Variants in ARPC3 observed in about 807,000 individuals in gnomAD.
ARPC3 encodes the protein actin related protein 2/3 complex subunit 3, also known as actin-related protein 2/3 complex subunit 3.
In ARPC3, 12 loss-of-function variants were observed where a neutral mutation model predicts 27.6. The ratio of observed to expected loss-of-function variants is 0.43; its 90% CI spans 0.28 to 0.70. The LOEUF (loss-of-function observed/expected upper bound fraction) is 0.70. ARPC3 is among the 30% of genes least tolerant of loss of function. The pLI is 0.17. For synonymous variants in ARPC3, 53 were observed against 67.2 expected (o/e 0.79, Z 1.03); for missense variants, 153 against 207.7 (o/e 0.74, Z 1.62).
intron 2 of ARPC3, chr12:110,445,194 AAC>A (rs1377274209): frequency 1.3e-5 from 6 of 452,432 alleles, no homozygotes; most frequent in South Asian, 8.9e-5. Context: ...AGAACTGATA[AAC>A]AGTGTCCAGA....
intron 5 of ARPC3, 111 bp downstream of exon 5, chr12:110,436,446 A>G: frequency 2.6e-6 from 4 of 1,523,324 alleles, no homozygotes; most frequent in Non-Finnish European, 3.6e-6. Context: ...ACTTCCTATG[A>G]TTTCACTCTC....
At chr12:110,443,518 C>T (rs1461657338) in intron 2 of ARPC3, among the ~76,000 whole-genome samples, 3 of 152,050 alleles carry the variant, frequency 2.0e-5, no homozygotes, top group African/African-American at 2.4e-5. Context: ...GTGCAACCTC[C>T]GCCTCCTGAG....
intron 3 of ARPC3, among the ~76,000 whole-genome samples, 170 bp downstream of exon 3, chr12:110,440,141 GA>G (rs200003153): frequency 6.7e-6 from 1 of 150,322 alleles, no homozygotes; most frequent in African/African-American, 2.4e-5. Context: ...GAATTTGGAG[GA>G]AAAAAAAAGA....
At chr12:110,447,448 G>T (rs1000210057) in intron 1 of ARPC3, among the ~76,000 whole-genome samples, 24 of 152,216 alleles carry the variant, frequency 1.6e-4, no homozygotes, top group Admixed American at 1.6e-3. Flanking sequence ...TACGATTCTG[G>T]TCCTTGAAGA....
intron 3 of ARPC3, among the ~76,000 whole-genome samples, 154 bp downstream of exon 3, chr12:110,440,158 A>G (rs1290066144): frequency 6.6e-6 from 1 of 152,230 alleles, no homozygotes; most frequent in Non-Finnish European, 1.5e-5. Flanking sequence ...AAAGAAACTA[A>G]TATTTATACA....
At chr12:110,439,251 T>C (rs2062422496) in intron 3 of ARPC3, among the ~76,000 whole-genome samples, 2 of 152,042 alleles carry the variant, frequency 1.3e-5, no homozygotes, top group African/African-American at 2.4e-5. Context: ...CTCCCAAGTG[T>C]TGGGATTACA....
chr12:110,436,300 T>C (rs535586985), intron 5 of ARPC3, 96 bp from the exon 6 acceptor site: 52 of 1,147,278 alleles, frequency 4.5e-5, no homozygotes, highest in South Asian at 6.4e-5. Context: ...TACATTTTTA[T>C]ACATTTGAAC....
intron 3 of ARPC3, among the ~76,000 whole-genome samples, chr12:110,438,954 A>C (rs2062420535): frequency 6.6e-6 from 1 of 151,352 alleles, no homozygotes; most frequent in Non-Finnish European, 1.5e-5. Context: ...TTTTTAAGAC[A>C]ATATAGTATC....
intron 2 of ARPC3, 62 bp downstream of exon 2, chr12:110,445,390 T>A: frequency 4.7e-6 from 6 of 1,283,888 alleles, no homozygotes; most frequent in African/African-American, 1.5e-5. Flanking sequence ...TCTGATTTGA[T>A]CATTTCAGAA....
At chr12:110,444,571 C>T (rs1026823549) in intron 2 of ARPC3, among the ~76,000 whole-genome samples, 9 of 152,164 alleles carry the variant, frequency 5.9e-5, no homozygotes, top group Non-Finnish European at 1.0e-4. Context: ...AAGTGTGAGC[C>T]ACCGCACCCA....
chr12:110,449,490 T>C (rs1241548758), intron 1 of ARPC3, among the ~76,000 whole-genome samples: 1 of 151,874 alleles, frequency 6.6e-6, no homozygotes. Flanking sequence ...TGAACCAGGG[T>C]GGTGGAAGTT....
chr12:110,448,344 A>G (rs1171449102), intron 1 of ARPC3, among the ~76,000 whole-genome samples: 2 of 152,140 alleles, frequency 1.3e-5, no homozygotes, highest in East Asian at 3.9e-4. Context: ...TGTACCCCAG[A>G]GCTCAGGAGT....
intron 6 of ARPC3, among the ~76,000 whole-genome samples, chr12:110,435,481 C>A (rs1364568637): frequency 6.6e-6 from 1 of 152,136 alleles, no homozygotes; most frequent in African/African-American, 2.4e-5. Context: ...AGGCGCCTGC[C>A]ACCACGCCTG....
intron 1 of ARPC3, among the ~76,000 whole-genome samples, chr12:110,450,021 C>G (rs906534345): frequency 1.3e-5 from 2 of 151,990 alleles, no homozygotes; most frequent in Non-Finnish European, 2.9e-5. Flanking sequence ...AGAAAAGGGC[C>G]TCCTCACACA....
chr12:110,441,201 A>G (rs534280512), intron 2 of ARPC3, among the ~76,000 whole-genome samples: 1 of 141,522 alleles, frequency 7.1e-6, no homozygotes, highest in Non-Finnish European at 1.5e-5. Context: ...GTGAAATGGC[A>G]TGATCTCGGC....
chr12:110,446,416 G>A (rs867396370), intron 1 of ARPC3, among the ~76,000 whole-genome samples: 2 of 151,316 alleles, frequency 1.3e-5, no homozygotes, highest in South Asian at 2.1e-4. Flanking sequence ...TCCTGCCTCA[G>A]CCTCCTGAGT....
At position 110,437,169 on chromosome 12, in the gene ARPC3, A is replaced by G; in HGVS notation, c.184-17T>C. 6.6e-7 allele frequency: 1 copy of G among 1,507,710 alleles called. No homozygotes were observed. Among genetic ancestry groups the G allele is most frequent in the Non-Finnish European group, 9.2e-7 (1 of 1,084,878 alleles). 93.4% of individuals were successfully genotyped at this position (1,507,710 alleles called of 1,614,324 possible). ...AGCTTCATTCTACAGGGAGAAAAAG[A>G]AGACTTAAAAACAGTTATCAAAACA... On this transcript the variant is annotated splice_polypyrimidine_tract_variant and intron_variant, in intron 3 of 6. Transcript: ENST00000228825.
intron 4 of ARPC3, 21 bp from the exon 5 acceptor site, chr12:110,436,704 A>T (rs563377480): frequency 1.0e-6 from 1 of 956,760 alleles, no homozygotes; most frequent in South Asian, 1.4e-5. Flanking sequence ...AAATATATAT[A>T]TATATATACA....
intron 1 of ARPC3, among the ~76,000 whole-genome samples, chr12:110,447,811 C>A (rs1396058642): frequency 6.7e-6 from 1 of 150,344 alleles, no homozygotes; most frequent in Admixed American, 6.7e-5. Flanking sequence ...CCCAAAAAAA[C>A]AAACAAACAA....
Sources: allele counts gnomAD v4.1 joint callset (sites outside exome capture counted in the v4.1 genomes callset), GRCh38; gene constraint gnomAD v4.1.1; transcripts MANE v1.5; gene names NCBI Gene and HGNC (gene_info 2026-07-23, HGNC 2026-07-21).